NPSR1: variants seen among roughly 807,000 people sequenced by gnomAD.
The protein encoded by NPSR1 is neuropeptide S receptor.
Under a neutral mutation model 46.9 loss-of-function variants are expected in NPSR1, and 48 were observed. The ratio of observed to expected loss-of-function variants is 1.02; its 90% CI spans 0.81 to 1.30. NPSR1 has a LOEUF of 1.30. NPSR1 is among the 50% of genes most tolerant of loss of function. The pLI, the probability that NPSR1 is intolerant of heterozygous loss-of-function variation, is 0.00. For synonymous variants in NPSR1, 176 were observed against 168.1 expected (o/e 1.05, Z -0.36); for missense variants, 450 against 449.5 (o/e 1.00, Z -0.01).
intron 5 of NPSR1, chr7:34,834,042 G>A: frequency 3.2e-6 from 1 of 312,336 alleles, no homozygotes; most frequent in Non-Finnish European, 5.9e-6. Flanking sequence ...AGTCAGGACT[G>A]TACAACAGAC....
chr7:34,787,098 T>C (rs1432982223), intron 3 of NPSR1, among the ~76,000 whole-genome samples: 1 of 152,166 alleles, frequency 6.6e-6, no homozygotes, highest in African/African-American at 2.4e-5. Flanking sequence ...CTTCTTCTAG[T>C]ATTTTACTGT....
chr7:34,681,457 G>A (rs1223790123), intron 1 of NPSR1, among the ~76,000 whole-genome samples: 2 of 152,174 alleles, frequency 1.3e-5, no homozygotes, highest in African/African-American at 4.8e-5. Flanking sequence ...GCAACTACAA[G>A]GTAAGTAGAG....
chr7:34,712,035 T>G (rs951828804), intron 2 of NPSR1, among the ~76,000 whole-genome samples: 7 of 152,372 alleles, frequency 4.6e-5, no homozygotes, highest in African/African-American at 1.4e-4. Context: ...ATCTGATCTC[T>G]ATTTCCCCAT....
At chr7:34,871,190 G>C (rs1791444670) in intron 8 of NPSR1, among the ~76,000 whole-genome samples, 1 of 151,660 alleles carries the variant, frequency 6.6e-6, no homozygotes, top group Non-Finnish European at 1.5e-5. Context: ...TTACAATAAT[G>C]GCAGAAGGTG....
intron 2 of NPSR1, among the ~76,000 whole-genome samples, chr7:34,774,480 T>A (rs1262493271): frequency 6.6e-6 from 1 of 152,200 alleles, no homozygotes; most frequent in Admixed American, 6.5e-5. Context: ...GCATTGGCAA[T>A]AATCTAGCTC....
chr7:34,761,572 A>G (rs1786175619), intron 2 of NPSR1, among the ~76,000 whole-genome samples: 1 of 152,158 alleles, frequency 6.6e-6, no homozygotes, highest in Non-Finnish European at 1.5e-5. Flanking sequence ...TTTTGTTACA[A>G]TTTACCACTT....
intron 3 of NPSR1, among the ~76,000 whole-genome samples, chr7:34,809,245 T>C (rs1788863304): frequency 6.6e-6 from 1 of 152,156 alleles, no homozygotes; most frequent in East Asian, 1.9e-4. Context: ...GATTTTTTTT[T>C]TCTTAAAGCT....
intron 5 of NPSR1, 34 bp downstream of exon 5, chr7:34,827,636 G>T (rs367975771): frequency 6.7e-6 from 8 of 1,201,634 alleles, no homozygotes; most frequent in East Asian, 2.9e-5. Context: ...CACACGGGGG[G>T]GTGGGGCGGG....
At chr7:34,877,466 T>C (rs1049787829) in intron 8 of NPSR1, among the ~76,000 whole-genome samples, 2 of 152,086 alleles carry the variant, frequency 1.3e-5, no homozygotes, top group South Asian at 2.1e-4. Context: ...GTCACTGCAC[T>C]ATTTGGGGGT....
At chr7:34,680,139 T>C (rs1014259613) in intron 1 of NPSR1, among the ~76,000 whole-genome samples, 2 of 152,154 alleles carry the variant, frequency 1.3e-5, no homozygotes, top group Non-Finnish European at 2.9e-5. Flanking sequence ...TCATCATTGT[T>C]CTGAAACTTC....
chr7:34,815,972 G>T (rs1298101480), intron 4 of NPSR1, among the ~76,000 whole-genome samples: 1 of 152,190 alleles, frequency 6.6e-6, no homozygotes, highest in Non-Finnish European at 1.5e-5. Flanking sequence ...ATGCCAAATT[G>T]TAAAGACCAT....
chr7:34,696,922 T>C (rs1056913840), intron 2 of NPSR1, among the ~76,000 whole-genome samples: 5 of 151,984 alleles, frequency 3.3e-5, no homozygotes, highest in African/African-American at 1.2e-4. Context: ...CCCATAATCT[T>C]GAATTTGAAA....
intron 2 of NPSR1, among the ~76,000 whole-genome samples, chr7:34,754,113 T>TC (rs1785689395): frequency 1.3e-5 from 2 of 152,122 alleles, no homozygotes; most frequent in Non-Finnish European, 2.9e-5. Context: ...GATCAGAACT[T>TC]CCACCCATCT....
intron 7 of NPSR1, 105 bp from the exon 8 acceptor site, chr7:34,848,378 T>A (rs1286767590): frequency 6.6e-6 from 6 of 906,488 alleles, no homozygotes; most frequent in Middle Eastern, 4.5e-4. Flanking sequence ...TCTGAGAAAT[T>A]CCAGGTCCCA....
chr7:34,701,259 A>G (rs1446562601), intron 2 of NPSR1, among the ~76,000 whole-genome samples: 1 of 152,220 alleles, frequency 6.6e-6, no homozygotes, highest in African/African-American at 2.4e-5. Flanking sequence ...CTCCAAAAGA[A>G]ATTCAATTGC....
chr7:34,703,386 A>G (rs1459944786), intron 2 of NPSR1, among the ~76,000 whole-genome samples: 2 of 138,606 alleles, frequency 1.4e-5, no homozygotes, highest in Non-Finnish European at 3.1e-5. Context: ...AAATAAATAA[A>G]TAAATAAATA....
chr7:34,666,987 A>G lies in NPSR1; in HGVS notation c.147+8428A>G, dbSNP rs909334748. 2.6e-4 allele frequency among the ~76,000 whole-genome samples: 39 copies of G among 152,338 alleles called. 1 individual carries two copies. Among genetic ancestry groups the G allele is most frequent in the African/African-American group, 9.1e-4 (38 of 41,578 alleles). ...ATTCCAGATAATAACAATGCCATTC[A>G]CTTATGTAATTTTATGAAAAAATAC... On this transcript the variant is annotated intron_variant, in intron 1 of 8. Transcript: ENST00000360581.
intron 1 of NPSR1, among the ~76,000 whole-genome samples, chr7:34,676,030 T>C (rs568763833): frequency 1.8e-4 from 28 of 151,704 alleles, no homozygotes; most frequent in African/African-American, 6.0e-4. Context: ...TGGTGGGGGG[T>C]GGGTAGGGAG....
intron 3 of NPSR1, among the ~76,000 whole-genome samples, chr7:34,798,624 G>A (rs34994032): frequency 0.011 from 1,730 of 152,190 alleles, 35 homozygotes; most frequent in African/African-American, 0.037. Context: ...TAATTAAATG[G>A]ATCTAATTGG....
Sources: gnomAD v4.1 joint callset for allele counts (sites outside exome capture counted in the v4.1 genomes callset) on GRCh38, gnomAD v4.1.1 for gene constraint, MANE v1.5 for transcripts, NCBI Gene and HGNC (gene_info 2026-07-23, HGNC 2026-07-21) for gene names.